Variants in ZC3H13 observed in about 807,000 individuals in gnomAD.
The protein encoded by ZC3H13 is zinc finger CCCH domain-containing protein 13.
ZC3H13 carries 64 observed loss-of-function variants against 204.1 expected under a neutral mutation model. That is an observed-to-expected ratio of 0.31 (90% CI 0.26 to 0.39). The LOEUF (loss-of-function observed/expected upper bound fraction) is 0.39, where lower values mean the gene tolerates loss of function less well. Ranked by LOEUF, ZC3H13 falls within the 10% of genes least tolerant of loss-of-function variation. The pLI is 1.00. For missense variants in ZC3H13, 1,833 were observed against 2,082.7 expected (o/e 0.88, Z 2.33); for synonymous variants, 667 against 693.7 (o/e 0.96, Z 0.60).
Position 45,967,625 on chromosome 13 carries a change from C to T in ZC3H13, c.4200G>A (p.Arg1400=). The change falls in exon 15 of 19, where the codon AGG becomes AGA. Residue 1400 remains arginine (R), a synonymous_variant. Coordinates refer to ENST00000679008, the MANE Select transcript of ZC3H13 (RefSeq NM_001330564.2). ...CEAKLEGEHE[R]DLESTSRDSL... ...AGTCTCGGGAAGTGCTTTCTAGATC[C>T]CTTTCATGTTCACCTTCCAGTTTTG... 1.2e-6 allele frequency: 2 copies of T among 1,614,056 alleles called. No homozygotes were observed. Among genetic ancestry groups the T allele is most frequent in the Admixed American group, 3.3e-5 (2 of 60,000 alleles).
chr13:45,977,690 G>C (rs998267907), intron 11 of ZC3H13, among the ~76,000 whole-genome samples: 1 of 152,084 alleles, frequency 6.6e-6, no homozygotes, highest in African/African-American at 2.4e-5. Flanking sequence ...CATAGCTATA[G>C]TTATTAACTC....
chr13:45,963,724 T>C, intron 17 of ZC3H13, 118 bp downstream of exon 17: 1 of 1,500,326 alleles, frequency 6.7e-7, no homozygotes. Flanking sequence ...TAAAATGATT[T>C]CTCAAAAAAT....
rs200559284 is a variant in ZC3H13 at position 46,011,576 on chromosome 13, C to G, written c.449-22G>C. ...GAATCTTTAAAATAAAATTGCATTA[C>G]TGTTAGAAACTAGCATAATTATCTA... On this transcript the variant is annotated intron_variant, in intron 5 of 18. Coordinates refer to ENST00000679008, the MANE Select transcript of ZC3H13 (RefSeq NM_001330564.2). 1.1e-5 allele frequency: 17 copies of G among 1,523,894 alleles called. No homozygotes were observed. The East Asian group carries it at 4.0e-4, about 36-fold the overall frequency. The allele number at this position is 1,523,894 out of a possible 1,614,324, so 94.4% of individuals were successfully genotyped here.
At chr13:46,018,126 A>C (rs1475153605) in intron 5 of ZC3H13, among the ~76,000 whole-genome samples, 1 of 152,138 alleles carries the variant, frequency 6.6e-6, no homozygotes, top group African/African-American at 2.4e-5. Flanking sequence ...AAGAGTGATA[A>C]ATAGAAGCCA....
chr13:45,968,006 A>G lies in ZC3H13; in HGVS notation c.3819T>C (p.His1273=), dbSNP rs750009672. ...TSSDRQDSRS[H]SSRRSSPESD... is the part of the protein sequence containing the mutation. ...ACTCTGGAGAACTTCTTCTTGAACT[A>G]TGGCTTCTTGAATCCTGGCGATCTA... is the stretch of plus-strand genomic sequence containing the variant. Residue 1273 remains histidine (H), a synonymous_variant, in exon 15 of 19, where the codon CAT becomes CAC. Coordinates refer to ENST00000679008, the MANE Select transcript of ZC3H13 (RefSeq NM_001330564.2). 2.7e-5 allele frequency: 44 copies of G among 1,600,846 alleles called. No homozygotes were observed. Among genetic ancestry groups the G allele is most frequent in the Non-Finnish European group, 3.3e-5 (39 of 1,175,654 alleles).
At chr13:45,997,107 G>A (rs531353271) in intron 8 of ZC3H13, among the ~76,000 whole-genome samples, 16 of 152,274 alleles carry the variant, frequency 1.1e-4, no homozygotes, top group South Asian at 2.1e-4. Flanking sequence ...TTTTCTCTGC[G>A]TAAATGAGTA....
chr13:46,025,217 T>C (rs989689649), intron 4 of ZC3H13, among the ~76,000 whole-genome samples: 1 of 152,238 alleles, frequency 6.6e-6, no homozygotes, highest in Non-Finnish European at 1.5e-5. Flanking sequence ...CAGAGGATTT[T>C]AAACATTCAA....
intron 1 of ZC3H13, among the ~76,000 whole-genome samples, chr13:46,048,915 G>A (rs1017332284): frequency 6.6e-6 from 1 of 152,036 alleles, no homozygotes; most frequent in Non-Finnish European, 1.5e-5. Context: ...CGGATCACGA[G>A]GTCAAGAGAT....
At chr13:45,970,570 T>C (rs1952503533) in intron 12 of ZC3H13, 105 bp from the exon 13 acceptor site, 6 of 872,734 alleles carry the variant, frequency 6.9e-6, no homozygotes, top group African/African-American at 1.7e-5. Context: ...CATATAATTG[T>C]AGGAAAGCAA....
chr13:45,981,466 G>A (rs1398340280), intron 10 of ZC3H13, among the ~76,000 whole-genome samples: 1 of 152,068 alleles, frequency 6.6e-6, no homozygotes, highest in East Asian at 1.9e-4. Context: ...TGTCTTTATA[G>A]CAGCATGATT....
intron 4 of ZC3H13, among the ~76,000 whole-genome samples, chr13:46,024,821 A>T (rs1438088418): frequency 6.6e-6 from 1 of 151,870 alleles, no homozygotes; most frequent in Non-Finnish European, 1.5e-5. Flanking sequence ...TACTTTCCAT[A>T]ACTTCTCTTT....
chr13:46,042,162 A>T lies in ZC3H13; in HGVS notation c.339+2T>A. ...ACTTTGTTTTGGGAAATTCAATCCTACCCTAACAGGTGAGGATGACTCCTC... is the reference window on the plus strand; with the variant it reads ...ACTTTGTTTTGGGAAATTCAATCCTTCCCTAACAGGTGAGGATGACTCCTC... On this transcript the variant is annotated splice_donor_variant, in intron 4 of 18. Coordinates refer to ENST00000679008, the MANE Select transcript of ZC3H13 (RefSeq NM_001330564.2). LOFTEE classifies it high-confidence loss of function. 1 of 1,609,326 alleles carries T rather than the reference A, an allele frequency of 6.2e-7. No homozygotes were observed. The highest frequency in any genetic ancestry group is 8.5e-7 in the Non-Finnish European group (1 of 1,176,160).
chr13:45,970,445 C>T lies in ZC3H13; in HGVS notation c.2489G>A (p.Gly830Glu). The T allele has an allele frequency of 1.2e-6, 2 of 1,610,186 alleles. No homozygotes were observed. The highest frequency in any genetic ancestry group is 1.7e-6 in the Non-Finnish European group (2 of 1,177,176). The change falls in exon 13 of 19, where the codon GGG (glycine) becomes GAG (glutamate). Residue 830 changes from glycine to glutamate, a missense_variant. Gly to Glu is a moderately conservative substitution (Grantham distance 98). Coordinates refer to ENST00000679008, the MANE Select transcript of ZC3H13 (RefSeq NM_001330564.2). ...RKSKKRYRNEGSPSPRQSPKR... is the reference protein window; with the variant it reads ...RKSKKRYRNEESPSPRQSPKR... ...CGGGGACTGTCTAGGGCTGGGACTC[C>T]CTTCATTTCTATAGCGCTTCCTAAA...
chr13:46,031,681 T>C (rs1022735545), intron 4 of ZC3H13, among the ~76,000 whole-genome samples: 1 of 152,094 alleles, frequency 6.6e-6, no homozygotes, highest in Non-Finnish European at 1.5e-5. Context: ...GAAAAGACGC[T>C]CAAGAGCTTA....
chr13:45,979,260 T>A (rs1291735563), intron 11 of ZC3H13, among the ~76,000 whole-genome samples: 1 of 152,164 alleles, frequency 6.6e-6, no homozygotes, highest in Non-Finnish European at 1.5e-5. Flanking sequence ...ACCTGATAGA[T>A]GAACAGAAAA....
At chr13:45,962,141 T>C (rs1045114603) in intron 17 of ZC3H13, 3 of 981,864 alleles carry the variant, frequency 3.1e-6, no homozygotes, top group Admixed American at 6.2e-5. Flanking sequence ...TTCTGGGCAA[T>C]AGCAGAAAAT....
intron 4 of ZC3H13, among the ~76,000 whole-genome samples, chr13:46,034,918 T>C (rs1488348901): frequency 6.6e-6 from 1 of 152,164 alleles, no homozygotes. Context: ...GAAATATTTA[T>C]ATATACCAGT....
Position 45,957,204 on chromosome 13 carries a change from G to A in ZC3H13, c.4933C>T (p.His1645Tyr). The change falls in exon 19 of 19, where the codon CAT becomes TAT. Residue 1645 changes from histidine to tyrosine, a missense_variant. His to Tyr is a moderately conservative substitution (Grantham distance 83). Transcript: ENST00000679008. ...TCAGTCTTTTCATGTCCTGGAGCAT[G>A]GCAAGTAGTCTTCCGCTTAAATAAC... is the stretch of plus-strand genomic sequence containing the variant. ...LRLFKRKTTCHAPGHEKTEDN... is the reference protein window; with the variant it reads ...LRLFKRKTTCYAPGHEKTEDN... 6.5e-7 allele frequency: 1 copy of A among 1,549,032 alleles called. No individual in the cohort carries two copies. Among genetic ancestry groups the A allele is most frequent in the Non-Finnish European group, 8.7e-7 (1 of 1,146,186 alleles).
rs1018440351 is a variant in ZC3H13, at chr13:45,970,212, A to G, written c.2572+150T>C. The G allele has an allele frequency of 4.5e-6, 4 of 891,836 alleles. No homozygotes were observed. In the African/African-American group the frequency reaches 6.7e-5, roughly 15 times the overall value. 55.2% of individuals were successfully genotyped at this position (891,836 alleles called of 1,614,324 possible). On this transcript the variant is annotated intron_variant, in intron 13 of 18. Coordinates refer to ENST00000679008, the MANE Select transcript of ZC3H13 (RefSeq NM_001330564.2). ...AGAAAATGACAGTACTCTAACACATACTTTAGTCACAAAAGGAGATATTTA... is the reference window on the plus strand; with the variant it reads ...AGAAAATGACAGTACTCTAACACATGCTTTAGTCACAAAAGGAGATATTTA...
Sources: gnomAD v4.1 joint callset for allele counts (sites outside exome capture counted in the v4.1 genomes callset) on GRCh38, gnomAD v4.1.1 for gene constraint, MANE v1.5 for transcripts, NCBI Gene and HGNC (gene_info 2026-07-23, HGNC 2026-07-21) for gene names.